Variants in THSD4 observed in about 807,000 individuals in gnomAD.
THSD4 encodes the protein thrombospondin type-1 domain-containing protein 4.
A neutral mutation model predicts 119.0 loss-of-function variants in THSD4; 69 were observed. That is an observed-to-expected ratio of 0.58 (90% CI 0.48 to 0.71). The LOEUF is 0.71. THSD4 is among the 30% of genes least tolerant of loss of function. The pLI, the probability that THSD4 is intolerant of heterozygous loss-of-function variation, is 0.00. For synonymous variants in THSD4, 524 were observed against 540.4 expected, an observed-to-expected ratio of 0.97 and a Z score of 0.42; for missense variants, 1,393 against 1,391.1, an observed-to-expected ratio of 1.00 and a Z score of -0.02.
intron 14 of THSD4, among the ~76,000 whole-genome samples, chr15:71,750,990 C>G (rs1246391629): frequency 6.6e-6 from 1 of 152,196 alleles, no homozygotes; most frequent in Non-Finnish European, 1.5e-5. Context: ...ATCAGAAATT[C>G]ACCCTGTGTC....
chr15:71,640,498 T>C (rs114353988), intron 7 of THSD4, among the ~76,000 whole-genome samples: 2,607 of 152,246 alleles, frequency 0.017, 78 homozygotes, highest in African/African-American at 0.06. Context: ...TTCTCCCGTA[T>C]TGGATTAATT....
intron 3 of THSD4, among the ~76,000 whole-genome samples, chr15:71,202,471 A>C (rs1037755541): frequency 1.3e-5 from 2 of 152,164 alleles, no homozygotes; most frequent in Non-Finnish European, 2.9e-5. Context: ...ACCCACACAC[A>C]CACGTACACA....
intron 6 of THSD4, among the ~76,000 whole-genome samples, chr15:71,295,978 G>A (rs1230913629): frequency 6.6e-6 from 1 of 152,154 alleles, no homozygotes; most frequent in African/African-American, 2.4e-5. Context: ...TAATACTGTA[G>A]CATGTATTGA....
At chr15:71,389,939 G>A (rs912986484) in intron 6 of THSD4, among the ~76,000 whole-genome samples, 1 of 150,228 alleles carries the variant, frequency 6.7e-6, no homozygotes, top group African/African-American at 2.4e-5. Flanking sequence ...CCTGTAGCTG[G>A]GACTACAGGC....
intron 5 of THSD4, among the ~76,000 whole-genome samples, chr15:71,253,875 A>G (rs1403745939): frequency 6.6e-6 from 1 of 152,142 alleles, no homozygotes; most frequent in African/African-American, 2.4e-5. Flanking sequence ...CACACACATA[A>G]TCTTTTTAAC....
At chr15:71,711,877 C>T (rs2052524144) in intron 8 of THSD4, among the ~76,000 whole-genome samples, 1 of 152,080 alleles carries the variant, frequency 6.6e-6, no homozygotes, top group Non-Finnish European at 1.5e-5. Context: ...GTATATGCAT[C>T]TAAACAGCAA....
chr15:71,590,539 CTG>C (rs2049775402), intron 7 of THSD4, among the ~76,000 whole-genome samples: 2 of 84,168 alleles, frequency 2.4e-5, no homozygotes, highest in African/African-American at 8.3e-5. Context: ...TGGGGAACAA[CTG>C]GGGCCTGTCA....
intron 7 of THSD4, among the ~76,000 whole-genome samples, chr15:71,454,217 A>G (rs1038877819): frequency 3.3e-5 from 5 of 152,246 alleles, no homozygotes; most frequent in Admixed American, 6.5e-5. Context: ...AGATAGCACC[A>G]CTGCACTCCA....
At chr15:71,586,357 G>A (rs760612604) in intron 7 of THSD4, among the ~76,000 whole-genome samples, 5 of 152,068 alleles carry the variant, frequency 3.3e-5, no homozygotes, top group Non-Finnish European at 7.3e-5. Flanking sequence ...TTCTGTTCAC[G>A]GTCTCACTGG....
intron 3 of THSD4, among the ~76,000 whole-genome samples, chr15:71,174,134 A>C (rs181578712): frequency 6.6e-4 from 101 of 152,306 alleles, no homozygotes; most frequent in African/African-American, 2.3e-3. Flanking sequence ...ACTATCGAGC[A>C]GAAATAGGAG....
chr15:71,326,726 T>TATATA (rs1491127315), intron 6 of THSD4, among the ~76,000 whole-genome samples: 19 of 88,000 alleles, frequency 2.2e-4, no homozygotes, highest in East Asian at 3.4e-4. Flanking sequence ...TATATATATA[T>TATATA]TAGCTGGGTG....
intron 1 of THSD4, among the ~76,000 whole-genome samples, chr15:71,137,089 C>A (rs776127653): frequency 2.5e-4 from 38 of 152,144 alleles, no homozygotes; most frequent in Admixed American, 2.5e-3. Flanking sequence ...GGTGGGGCCT[C>A]CATCTCCCAA....
intron 8 of THSD4, among the ~76,000 whole-genome samples, chr15:71,704,641 A>G (rs2052359872): frequency 6.6e-6 from 1 of 152,254 alleles, no homozygotes; most frequent in Non-Finnish European, 1.5e-5. Context: ...CCTGTATTAT[A>G]TAATTCAGAG....
intron 7 of THSD4, among the ~76,000 whole-genome samples, chr15:71,605,613 A>G (rs528236805): frequency 1.3e-5 from 2 of 152,346 alleles, no homozygotes; most frequent in South Asian, 4.1e-4. Flanking sequence ...TGAAGTAGCC[A>G]GCAGCTGTGA....
At chr15:71,163,286 T>C (rs2043263496) in intron 3 of THSD4, among the ~76,000 whole-genome samples, 1 of 151,912 alleles carries the variant, frequency 6.6e-6, no homozygotes, top group African/African-American at 2.4e-5. Flanking sequence ...ATTATTAGTT[T>C]ATTAGTATCA....
chr15:71,351,311 C>T (rs2045740840), intron 6 of THSD4, among the ~76,000 whole-genome samples: 1 of 152,132 alleles, frequency 6.6e-6, no homozygotes, highest in Non-Finnish European at 1.5e-5. Context: ...TGGTGCTGAG[C>T]TGAGCTTTCT....
At chr15:71,159,340 A>T (rs558694995) in intron 3 of THSD4, among the ~76,000 whole-genome samples, 2 of 152,102 alleles carry the variant, frequency 1.3e-5, no homozygotes, top group East Asian at 3.9e-4. Context: ...TATTTTTTCA[A>T]TTTCTGTGAC....
At chr15:71,666,559 T>C (rs2051421192) in intron 8 of THSD4, among the ~76,000 whole-genome samples, 1 of 152,234 alleles carries the variant, frequency 6.6e-6, no homozygotes, top group Non-Finnish European at 1.5e-5. Flanking sequence ...CATGGCCTTC[T>C]GATCTTTAAC....
At chr15:71,190,074 C>A (rs529078476) in intron 3 of THSD4, among the ~76,000 whole-genome samples, 65 of 152,240 alleles carry the variant, frequency 4.3e-4, no homozygotes, top group African/African-American at 1.5e-3. Flanking sequence ...ATGAGCCATC[C>A]CCCCTTCCTC....
Sources: allele counts gnomAD v4.1 joint callset (sites outside exome capture counted in the v4.1 genomes callset), GRCh38; gene constraint gnomAD v4.1.1; transcripts MANE v1.5; gene names NCBI Gene and HGNC (gene_info 2026-07-23, HGNC 2026-07-21).